The following DNAH14 variants were observed in gnomAD, a reference collection of about 807,000 sequenced individuals.
DNAH14 encodes the protein axonemal beta dynein heavy chain 14.
A neutral mutation model predicts 520.9 loss-of-function variants in DNAH14; 478 were observed. The observed-to-expected ratio is 0.92, with a 90% CI of 0.85 to 0.99. The LOEUF (loss-of-function observed/expected upper bound fraction) is 0.99. Among genes scored for constraint, DNAH14 ranks in the 50% least tolerant of loss-of-function variants. The probability of loss-of-function intolerance (pLI) is 0.00; values close to 1 mark genes in which losing one functional copy is unlikely to be tolerated. For synonymous variants in DNAH14, 1,581 were observed against 1,757.2 expected (o/e 0.90, Z 2.51); for missense variants, 4,831 against 5,234.5 (o/e 0.92, Z 2.38).
At chr1:225,060,189 A>T (rs2069828554) in intron 17 of DNAH14, among the ~76,000 whole-genome samples, 1 of 151,870 alleles carries the variant, frequency 6.6e-6, no homozygotes, top group South Asian at 2.1e-4. Context: ...ATAGTCCCAT[A>T]TTTCTTGGAG....
chr1:225,079,649 CTAAA>C, intron 18 of DNAH14, 101 bp downstream of exon 18: 1 of 727,488 alleles, frequency 1.4e-6, no homozygotes, highest in Non-Finnish European at 2.1e-6. Context: ...GGAATTTTGG[CTAAA>C]TAGTTTAATA....
In DNAH14 at chr1:224,967,427, T is replaced by C. The variant is rs1219155004; in HGVS notation, c.499-4T>C. 5 of 1,524,242 alleles carry C rather than the reference T, an allele frequency of 3.3e-6. No homozygotes were observed. The Admixed American group carries it at 1.2e-4, about 37-fold the overall frequency. The allele number at this position is 1,524,242 out of a possible 1,614,324, so 94.4% of individuals were successfully genotyped here. ...TTTGTTTATTATTTTTTTTTTAATC[T>C]CAGAAACCTTTGGAAGATGATGGAG... On this transcript the variant is annotated splice_polypyrimidine_tract_variant and splice_region_variant and intron_variant, in intron 5 of 85. Transcript: ENST00000682510.
intron 11 of DNAH14, among the ~76,000 whole-genome samples, chr1:225,026,641 A>G (rs1008377319): frequency 2.6e-5 from 4 of 152,138 alleles, no homozygotes; most frequent in African/African-American, 9.6e-5. Flanking sequence ...TGCCAGTACC[A>G]TACTGTCTTG....
Position 225,100,863 on chromosome 1 carries a change from A to G in DNAH14, c.3846A>G (p.Glu1282=), listed in dbSNP as rs2075384831. The change falls in exon 23 of 86, where the codon GAA becomes GAG. Residue 1282 remains glutamate (E), a synonymous_variant. Transcript: ENST00000682510. ...TGCAAAATTGTAATATACATCTTGA[A>G]CATATAAAGAAAAGCCTTGAGGTAA... The part of the protein sequence containing the change: ...EILQNCNIHL[E]HIKKSLEDYL... 5.3e-6 allele frequency: 8 copies of G among 1,507,566 alleles called. No individual in the cohort carries two copies. Among genetic ancestry groups the G allele is most frequent in the Non-Finnish European group, 7.1e-6 (8 of 1,134,728 alleles). The allele number at this position is 1,507,566 out of a possible 1,614,324, so 93.4% of individuals were successfully genotyped here. A position where few individuals can be genotyped will look rare whatever the true frequency, so the allele number is the denominator to read the frequency against.
At chr1:225,299,721 T>C (rs2094099550) in intron 55 of DNAH14, among the ~76,000 whole-genome samples, 1 of 152,212 alleles carries the variant, frequency 6.6e-6, no homozygotes, top group African/African-American at 2.4e-5. Context: ...TGGATCTGTT[T>C]CCCACACTTT....
At chr1:225,167,238 G>A (rs1430127200) in intron 35 of DNAH14, among the ~76,000 whole-genome samples, 1 of 152,060 alleles carries the variant, frequency 6.6e-6, no homozygotes, top group East Asian at 1.9e-4. Context: ...GCTTTGTTCT[G>A]TCTCAATGTA....
intron 73 of DNAH14, among the ~76,000 whole-genome samples, chr1:225,356,103 A>G (rs1475684264): frequency 6.6e-6 from 1 of 152,200 alleles, no homozygotes; most frequent in Non-Finnish European, 1.5e-5. Context: ...TAATCCATTG[A>G]GAGACAACAA....
At chr1:224,968,309 G>A (rs2061314047) in intron 6 of DNAH14, among the ~76,000 whole-genome samples, 1 of 151,908 alleles carries the variant, frequency 6.6e-6, no homozygotes, top group African/African-American at 2.4e-5. Context: ...GGGCACTCAT[G>A]GGAAGAGAGA....
intron 17 of DNAH14, among the ~76,000 whole-genome samples, chr1:225,064,221 A>G (rs905136175): frequency 6.6e-6 from 1 of 152,196 alleles, no homozygotes; most frequent in Non-Finnish European, 1.5e-5. Context: ...AACTCCAATG[A>G]CAATTCACTA....
chr1:225,078,843 CCTCTCTCTCTCTCTCCCTCTCTCTCT>C (rs1252388810), intron 17 of DNAH14, among the ~76,000 whole-genome samples: 24,524 of 52,784 alleles, frequency 0.46, 4,890 homozygotes, highest in Middle Eastern at 0.6. Context: ...TCTCTCTCTC[CCTCTCTCTCTCTCTCCCTCTCTCTCT>C]CTCTCTCTCT....
Position 225,277,443 on chromosome 1 carries a change from A to G in DNAH14, c.8212A>G (p.Ile2738Val). Residue 2738 changes from isoleucine to valine, a missense_variant, in exon 54 of 86, where the codon ATA becomes GTA. By Grantham distance (29) the Ile-to-Val change is conservative. Transcript: ENST00000682510. ...TTCCATGGTGTTCTTCAAGGAAGCC[A>G]TAGAACACATCATAAGAGCAACAAG... ...SHSMVFFKEA[I>V]EHIIRATRVL... 2.1e-6 allele frequency: 1 copy of G among 470,992 alleles called. No individual in the cohort carries two copies. Among genetic ancestry groups the G allele is most frequent in the Non-Finnish European group, 4.4e-6 (1 of 226,960 alleles). 29.2% of individuals were successfully genotyped at this position (470,992 alleles called of 1,614,324 possible). A position where few individuals can be genotyped will look rare whatever the true frequency, so the allele number is the denominator to read the frequency against.
At position 225,206,127 on chromosome 1, in the gene DNAH14, A is replaced by G. The variant is rs756473599; in HGVS notation, c.6134A>G (p.Asn2045Ser). 84 of 1,551,316 alleles carry G rather than the reference A, an allele frequency of 5.4e-5. No individual in the cohort carries two copies. The highest frequency in any genetic ancestry group is 1.3e-4 in the South Asian group (11 of 84,052). The change falls in exon 40 of 86, where the codon AAT (asparagine) becomes AGT (serine). Residue 2045 changes from asparagine (N) to serine (S), a missense_variant. By Grantham distance (46) the Asn-to-Ser change is conservative (BLOSUM62 1). Coordinates refer to ENST00000682510, the MANE Select transcript of DNAH14 (RefSeq NM_001367479.1). Reference protein sequence around the residue: ...NKIRVIFEVDNLSQASPATVS... With the variant: ...NKIRVIFEVDSLSQASPATVS... ...ATAAGAGTGATTTTTGAAGTGGACA[A>G]TCTCTCTCAGGCCAGTCCTGCTACT...
intron 17 of DNAH14, among the ~76,000 whole-genome samples, chr1:225,074,764 C>T (rs747762451): frequency 2.6e-5 from 4 of 152,104 alleles, no homozygotes; most frequent in Non-Finnish European, 4.4e-5. Flanking sequence ...TCTCCAAAGC[C>T]GCAGGCTATA....
intron 26 of DNAH14, among the ~76,000 whole-genome samples, chr1:225,121,097 G>A (rs2077252466): frequency 6.6e-6 from 1 of 152,088 alleles, no homozygotes; most frequent in Non-Finnish European, 1.5e-5. Flanking sequence ...ATAGTTTGCA[G>A]AGTTTTAAAG....
At chr1:225,079,926 G>GC (rs2072919559) in intron 18 of DNAH14, among the ~76,000 whole-genome samples, 1 of 152,046 alleles carries the variant, frequency 6.6e-6, no homozygotes, top group African/African-American at 2.4e-5. Flanking sequence ...ACTCGCCTCA[G>GC]CCCCCCAAAG....
At chr1:225,252,274 A>C (rs1165967998) in intron 43 of DNAH14, 27 bp from the exon 44 acceptor site, 1 of 1,236,856 alleles carries the variant, frequency 8.1e-7, no homozygotes, top group East Asian at 2.5e-5. Flanking sequence ...CCCCTTTCTT[A>C]GTTGAATTTA....
chr1:225,398,214 C>T (rs565972538), intron 84 of DNAH14: 28 of 274,178 alleles, frequency 1.0e-4, no homozygotes, highest in African/African-American at 5.2e-4. Context: ...CTCGGCTACA[C>T]GATTACAATT....
chr1:225,391,170 A>T (rs2095906263), intron 83 of DNAH14, among the ~76,000 whole-genome samples: 1 of 152,232 alleles, frequency 6.6e-6, no homozygotes, highest in Non-Finnish European at 1.5e-5. Flanking sequence ...TGTAAGACAC[A>T]CTGAGGGAGC....
At chr1:225,193,791 C>A (rs1182616436) in intron 38 of DNAH14, among the ~76,000 whole-genome samples, 1 of 152,024 alleles carries the variant, frequency 6.6e-6, no homozygotes, top group Non-Finnish European at 1.5e-5. Flanking sequence ...GATTCTATAC[C>A]TAGAAAACCC....
Sources: gnomAD v4.1 joint callset for allele counts (sites outside exome capture counted in the v4.1 genomes callset) on GRCh38, gnomAD v4.1.1 for gene constraint, MANE v1.5 for transcripts, NCBI Gene and HGNC (gene_info 2026-07-23, HGNC 2026-07-21) for gene names.